The following SAMD5 variants were observed in gnomAD, a reference collection of about 807,000 sequenced individuals.
SAMD5 encodes sterile alpha motif domain containing 5, also known as sterile alpha motif domain-containing protein 5.
Under a neutral mutation model 11.3 loss-of-function variants are expected in SAMD5, and 13 were observed. The observed-to-expected ratio is 1.15, with a 90% CI of 0.75 to 1.83. The LOEUF (loss-of-function observed/expected upper bound fraction) is 1.83. Among genes scored for constraint, SAMD5 ranks in the 40% most tolerant of loss-of-function variants. The pLI is 0.00. For synonymous variants in SAMD5, 129 were observed against 111.3 expected (o/e 1.16, Z -1.00); for missense variants, 255 against 239.1 (o/e 1.07, Z -0.44).
At chr6:147,821,995 A>C in the SAMD5 span, among the ~76,000 whole-genome samples, 1,645 of 152,306 alleles carry the variant, frequency 0.011, 34 homozygotes, top group African/African-American at 0.037. Context: ...AAATTTGGGC[A>C]TCTTTACTGT....
chr6:147,576,219 C>T (rs538335785), intron 1 of SAMD5, among the ~76,000 whole-genome samples: 8 of 151,582 alleles, frequency 5.3e-5, no homozygotes, highest in African/African-American at 1.9e-4. Flanking sequence ...TGGCTCACTG[C>T]AACCTCTACC....
chr6:147,880,474 C>T, the SAMD5 span, among the ~76,000 whole-genome samples: 4 of 152,142 alleles, frequency 2.6e-5, no homozygotes, highest in East Asian at 3.8e-4. Flanking sequence ...CCTTCACACT[C>T]GATTGGTAGA....
chr6:147,942,823 C>CTT, the SAMD5 span, among the ~76,000 whole-genome samples: 31,908 of 128,594 alleles, frequency 0.25, 4,800 homozygotes, highest in South Asian at 0.32. Context: ...CCCAATGCTT[C>CTT]TTTTTTTTTT....
intron 1 of SAMD5, among the ~76,000 whole-genome samples, chr6:147,675,404 AATACCTCATATAC>A (rs1231224447): frequency 6.6e-6 from 1 of 152,198 alleles, no homozygotes; most frequent in Non-Finnish European, 1.5e-5. Context: ...TTGCCAAGTG[AATACCTCATATAC>A]ATCCGTACTA....
the SAMD5 span, among the ~76,000 whole-genome samples, chr6:147,894,716 G>T: frequency 6.6e-6 from 1 of 152,244 alleles, no homozygotes; most frequent in Middle Eastern, 3.4e-3. Flanking sequence ...TATTTGCATA[G>T]AATTTATATT....
chr6:147,912,730 T>G, the SAMD5 span, among the ~76,000 whole-genome samples: 1 of 152,062 alleles, frequency 6.6e-6, no homozygotes, highest in Admixed American at 6.6e-5. Flanking sequence ...TGGATTACTA[T>G]GCAGCTGGAA....
At chr6:147,616,461 T>C (rs9485207) in intron 1 of SAMD5, among the ~76,000 whole-genome samples, 1 of 151,834 alleles carries the variant, frequency 6.6e-6, no homozygotes, top group Non-Finnish European at 1.5e-5. Context: ...GCCATTAGTC[T>C]GCAGCAGTGA....
chr6:147,643,181 G>A (rs543209131), intron 1 of SAMD5, among the ~76,000 whole-genome samples: 1 of 152,172 alleles, frequency 6.6e-6, no homozygotes, highest in South Asian at 2.1e-4. Flanking sequence ...GAAAGGTGAT[G>A]TTTCATTCCG....
chr6:147,690,797 T>C (rs1340041043), intron 1 of SAMD5, among the ~76,000 whole-genome samples: 1 of 152,182 alleles, frequency 6.6e-6, no homozygotes, highest in Non-Finnish European at 1.5e-5. Flanking sequence ...ATTTTATGTT[T>C]CCTCTCTGGA....
At chr6:147,763,977 G>A in the SAMD5 span, among the ~76,000 whole-genome samples, 1 of 152,244 alleles carries the variant, frequency 6.6e-6, no homozygotes, top group Non-Finnish European at 1.5e-5. Context: ...TGACTTGGGT[G>A]CACACGTGCA....
chr6:147,516,889 C>A (rs1788179870), intron 1 of SAMD5, among the ~76,000 whole-genome samples: 1 of 152,146 alleles, frequency 6.6e-6, no homozygotes, highest in South Asian at 2.1e-4. Flanking sequence ...GTAGCATACC[C>A]AAATGAAGAA....
At chr6:147,603,176 C>T (rs895752910) in intron 1 of SAMD5, among the ~76,000 whole-genome samples, 2 of 152,104 alleles carry the variant, frequency 1.3e-5, no homozygotes, top group Non-Finnish European at 2.9e-5. Context: ...AATATGTTAA[C>T]TGAAGTTATT....
intron 1 of SAMD5, among the ~76,000 whole-genome samples, chr6:147,510,759 T>A (rs1248543471): frequency 6.6e-6 from 1 of 152,204 alleles, no homozygotes; most frequent in East Asian, 1.9e-4. Flanking sequence ...ATTGGTTTTT[T>A]AAGGAGGATA....
At chr6:147,574,137 A>AC (rs992940846), downstream of SAMD5, among the ~76,000 whole-genome samples, 12 of 151,892 alleles carry the variant, frequency 7.9e-5, no homozygotes, top group African/African-American at 2.4e-4. Flanking sequence ...CAAAAAAAAA[A>AC]AACAAAAAAC....
intron 1 of SAMD5, among the ~76,000 whole-genome samples, chr6:147,603,233 A>C (rs1206629513): frequency 2.6e-5 from 4 of 152,212 alleles, no homozygotes; most frequent in Non-Finnish European, 5.9e-5. Context: ...GGGACATATT[A>C]ATAAAACAGT....
At chr6:147,914,348 C>G in the SAMD5 span, among the ~76,000 whole-genome samples, 3 of 151,944 alleles carry the variant, frequency 2.0e-5, no homozygotes, top group Middle Eastern at 3.2e-3. Context: ...ACAACAACGA[C>G]AACAACAAGA....
At chr6:147,769,580 T>C in the SAMD5 span, among the ~76,000 whole-genome samples, 6 of 152,214 alleles carry the variant, frequency 3.9e-5, no homozygotes, top group Admixed American at 3.3e-4. Context: ...TTGTACATGT[T>C]TGTTTTATTT....
intron 1 of SAMD5, among the ~76,000 whole-genome samples, chr6:147,587,279 C>T (rs1789387240): frequency 1.3e-5 from 2 of 152,086 alleles, no homozygotes; most frequent in Admixed American, 1.3e-4. Context: ...ACGCTGTTGT[C>T]CAGGCTGGGG....
chr6:147,877,891 A>C, the SAMD5 span, among the ~76,000 whole-genome samples: 367 of 90,074 alleles, frequency 4.1e-3, 2 homozygotes, highest in African/African-American at 0.013. Flanking sequence ...CGATAGATAG[A>C]TAGCTAGATA....
Sources: gnomAD v4.1 joint callset for allele counts (sites outside exome capture counted in the v4.1 genomes callset) on GRCh38, gnomAD v4.1.1 for gene constraint, MANE v1.5 for transcripts, NCBI Gene and HGNC (gene_info 2026-07-23, HGNC 2026-07-21) for gene names.